The following COL7A1 variants were observed in gnomAD, a reference collection of about 807,000 sequenced individuals.
The protein encoded by COL7A1 is collagen alpha-1(VII) chain.
A neutral mutation model predicts 456.2 loss-of-function variants in COL7A1; 296 were observed. That is an observed-to-expected ratio of 0.65 (90% CI 0.59 to 0.71). The LOEUF is 0.71. Among genes scored for constraint, COL7A1 ranks in the 30% least tolerant of loss-of-function variants. The probability of loss-of-function intolerance (pLI) is 0.00; values close to 1 mark genes in which losing one functional copy is unlikely to be tolerated. For synonymous variants in COL7A1, 1,464 were observed against 1,525.9 expected (o/e 0.96, Z 0.95); for missense variants, 3,441 against 4,017.2 (o/e 0.86, Z 3.88).
At position 48,583,291 on chromosome 3, in the gene COL7A1, A is replaced by C; in HGVS notation, c.4437+102T>G. 6 of 1,606,380 alleles carry C rather than the reference A, an allele frequency of 3.7e-6. No individual in the cohort carries two copies. Among genetic ancestry groups the C allele is most frequent in the Non-Finnish European group, 5.1e-6 (6 of 1,174,392 alleles). ...ACCCCCTCCAAAACCACGACCTCTGACCTGGAGGGAACTCTTATCTCCTTA... is the reference window on the plus strand; with the variant it reads ...ACCCCCTCCAAAACCACGACCTCTGCCCTGGAGGGAACTCTTATCTCCTTA... On this transcript the variant is annotated intron_variant, in intron 42 of 118. Coordinates refer to ENST00000681320, the MANE Select transcript of COL7A1 (RefSeq NM_000094.4). This position sits in a 1 kb window ranked among gnomAD's most constrained non-coding sequence, Gnocchi z 5.1.
At position 48,580,892 on chromosome 3, in the gene COL7A1, C is replaced by T. The variant is rs772510551; in HGVS notation, c.4970G>A (p.Arg1657His). ...DPGLPGKAGERGLRGAPGVRG... is the reference protein window; with the variant it reads ...DPGLPGKAGEHGLRGAPGVRG... The stretch of plus-strand genomic sequence containing the variant: ...TCTGCCAAGACTCACCCGAAGGCCA[C>T]GCTCGCCTGCTTTTCCAGGCAAACC... The change falls in exon 54 of 119, where the codon CGT (arginine) becomes CAT (histidine). Residue 1657 changes from arginine to histidine, a missense_variant. Transcript: ENST00000681320. This position sits in a 1 kb window ranked among gnomAD's most constrained non-coding sequence, Gnocchi z 4.5. The T allele has an allele frequency of 3.4e-5, 55 of 1,613,980 alleles. No homozygotes were observed. Among genetic ancestry groups the T allele is most frequent in the East Asian group, 8.9e-5 (4 of 44,900 alleles).
rs2045729037 is a variant in COL7A1, at chr3:48,591,884, T to C, written c.1357+14A>G. On this transcript the variant is annotated intron_variant, in intron 11 of 118. Coordinates refer to ENST00000681320, the MANE Select transcript of COL7A1 (RefSeq NM_000094.4). The surrounding 1 kb of genome is among the most constrained non-coding windows in gnomAD (Gnocchi z 7.0). ...CCCTGACCCTTGCCTGTCCATCCCTTCCCCCGCACTGACCAGTCTCACGCC... is the reference window on the plus strand; with the variant it reads ...CCCTGACCCTTGCCTGTCCATCCCTCCCCCCGCACTGACCAGTCTCACGCC... The C allele has an allele frequency of 5.6e-6, 9 of 1,613,678 alleles. No homozygotes were observed. The highest frequency in any genetic ancestry group is 1.3e-5 in the African/African-American group (1 of 74,790).
chr3:48,588,951 C>T lies in COL7A1; in HGVS notation c.2359G>A (p.Ala787Thr). The change falls in exon 19 of 119, where the codon GCT becomes ACT. Residue 787 changes from alanine to threonine, a missense_variant. Physicochemically the swap from Ala to Thr is moderately conservative, Grantham distance 58 (BLOSUM62 0). Around this residue, in one of 3 missense-constraint regions of COL7A1, gnomAD observed 913 missense variants for 1,088.2 expected, o/e 0.84. Transcript: ENST00000681320. The surrounding 1 kb of genome is among the most constrained non-coding windows in gnomAD (Gnocchi z 4.6). ...GTGATCCGTAGAACGTCGCTGGAAG[C>T]ATTGAGGATCTGCAGCCTCGACACA... Reference protein sequence around the residue: ...GRVSRLQILNASSDVLRITWV... With the variant: ...GRVSRLQILNTSSDVLRITWV... The T allele has an allele frequency of 6.2e-7, 1 of 1,613,586 alleles. No individual in the cohort carries two copies. The highest frequency in any genetic ancestry group is 8.5e-7 in the Non-Finnish European group (1 of 1,180,028).
At position 48,575,759 on chromosome 3, in the gene COL7A1, G is replaced by A. The variant is rs201825506; in HGVS notation, c.5857-11C>T. ...CCGCAGGGCAGATGCCTGAGGGACAGCAAGAGGTCAGAGGAGCGGGGTGCG... is the reference window on the plus strand; with the variant it reads ...CCGCAGGGCAGATGCCTGAGGGACAACAAGAGGTCAGAGGAGCGGGGTGCG... On this transcript the variant is annotated splice_polypyrimidine_tract_variant and intron_variant, in intron 72 of 118. Transcript: ENST00000681320. This position sits in a 1 kb window ranked among gnomAD's most constrained non-coding sequence, Gnocchi z 6.3. 1.9e-5 allele frequency: 30 copies of A among 1,614,050 alleles called. No individual in the cohort carries two copies. In the African/African-American group the frequency reaches 2.7e-4, roughly 14 times the overall value.
In COL7A1 at chr3:48,586,333, A is replaced by G. The variant is rs2045257255; in HGVS notation, c.3549T>C (p.Ser1183=). 3 of 1,613,888 alleles carry G rather than the reference A, an allele frequency of 1.9e-6. No homozygotes were observed. Among genetic ancestry groups the G allele is most frequent in the Non-Finnish European group, 8.5e-7 (1 of 1,179,972 alleles). ...IFSPIREAQA[S]GLNVVMLGMA... is the part of the protein sequence containing the mutation. ...CTTCCCCATCAGCCTACTCCTTACC[A>G]GAAGCCTGGGCCTCACGGATGGGGC... is the stretch of plus-strand genomic sequence containing the variant. Residue 1183 remains serine (S), a splice_region_variant and synonymous_variant, in exon 27 of 119, where the codon TCT becomes TCC. Transcript: ENST00000681320. The surrounding 1 kb of genome is among the most constrained non-coding windows in gnomAD (Gnocchi z 5.1).
Position 48,593,707 on chromosome 3 carries a change from G to T in COL7A1, c.267-11C>A, listed in dbSNP as rs766797206. Reference sequence around the variant, plus strand: ...AGGCCGAACTCTGTCCTGTTGGAGGGTAGGGGTGGCAACAGGCTAGGACTC... The same window carrying T: ...AGGCCGAACTCTGTCCTGTTGGAGGTTAGGGGTGGCAACAGGCTAGGACTC... On this transcript the variant is annotated splice_polypyrimidine_tract_variant and intron_variant, in intron 3 of 118. Coordinates refer to ENST00000681320, the MANE Select transcript of COL7A1 (RefSeq NM_000094.4). This position sits in a 1 kb window ranked among gnomAD's most constrained non-coding sequence, Gnocchi z 4.4. The T allele has an allele frequency of 8.1e-6, 13 of 1,614,096 alleles. No individual in the cohort carries two copies. The highest frequency in any genetic ancestry group is 1.0e-5 in the Non-Finnish European group (12 of 1,180,028).
At position 48,577,026 on chromosome 3, in the gene COL7A1, C is replaced by T; in HGVS notation, c.5534G>A (p.Gly1845Glu). ...GTCTTCTCCAGGGTCCCCAGGTTCT[C>T]CCTGTGGGCAGAGGACTCACATCAG... ...DGKPGLNGKN[G>E]EPGDPGEDGR... Residue 1845 changes from glycine (G) to glutamate (E), a missense_variant and splice_region_variant, in exon 66 of 119, where the codon GGA becomes GAA. Gly to Glu is a moderately conservative substitution (Grantham distance 98, BLOSUM62 -2). This residue lies in a region of COL7A1 where 2,084 missense variants were observed against 2,501.3 expected (regional missense o/e 0.83). Transcript: ENST00000681320. 6.2e-7 allele frequency: 1 copy of T among 1,613,960 alleles called. No homozygotes were observed. The highest frequency in any genetic ancestry group is 8.5e-7 in the Non-Finnish European group (1 of 1,180,042).
Position 48,578,295 on chromosome 3 carries a change from GC to G in COL7A1, c.5532+25del. 6.2e-7 allele frequency: 1 copy of G among 1,612,076 alleles called. No individual in the cohort carries two copies. Among genetic ancestry groups the G allele is most frequent in the South Asian group, 1.1e-5 (1 of 90,994 alleles). ...GTGCTGGCGTTTCTTGGCAGGTTTC[GC>G]CGCAGCTGCCCTGGACACACTCACG... On this transcript the variant is annotated intron_variant, in intron 65 of 118. Transcript: ENST00000681320. The surrounding 1 kb of genome is among the most constrained non-coding windows in gnomAD (Gnocchi z 4.7).
Position 48,581,738 on chromosome 3 carries a change from G to A in COL7A1, c.4690C>T (p.Pro1564Ser). 1 of 1,614,004 alleles carries A rather than the reference G, an allele frequency of 6.2e-7. No homozygotes were observed. The highest frequency in any genetic ancestry group is 8.5e-7 in the Non-Finnish European group (1 of 1,179,994). The change falls in exon 49 of 119, where the codon CCC becomes TCC. Residue 1564 changes from proline (P) to serine (S), a missense_variant. Pro to Ser is a moderately conservative substitution (Grantham distance 74). Around this residue, in one of 3 missense-constraint regions of COL7A1, gnomAD observed 2,084 missense variants for 2,501.3 expected, o/e 0.83. Coordinates refer to ENST00000681320, the MANE Select transcript of COL7A1 (RefSeq NM_000094.4). This position sits in a 1 kb window ranked among gnomAD's most constrained non-coding sequence, Gnocchi z 5.8. Reference protein sequence around the residue: ...GEKGDVGPAGPRGATGVQGER... With the variant: ...GEKGDVGPAGSRGATGVQGER... The stretch of plus-strand genomic sequence containing the variant: ...CCTTGGACTCCGGTAGCTCCTCTGG[G>A]CCCAGCGGGCCCCACATCTCCCTGG...
At position 48,580,988 on chromosome 3, in the gene COL7A1, A is replaced by G; in HGVS notation, c.4936-62T>C. 1 of 1,608,784 alleles carries G rather than the reference A, an allele frequency of 6.2e-7. No homozygotes were observed. Among genetic ancestry groups the G allele is most frequent in the African/African-American group, 1.3e-5 (1 of 74,916 alleles). ...GTCAGGATCTAACTCACTCAGGGAG[A>G]GGGGACAGAGAAGGGTCTGAGCAGC... is the stretch of plus-strand genomic sequence containing the variant. On this transcript the variant is annotated intron_variant, in intron 53 of 118. Transcript: ENST00000681320. This position sits in a 1 kb window ranked among gnomAD's most constrained non-coding sequence, Gnocchi z 4.5.
Position 48,592,977 on chromosome 3 carries a change from G to A in COL7A1, c.683-39C>T, listed in dbSNP as rs1244064729. The A allele has an allele frequency of 3.6e-5, 58 of 1,612,824 alleles. No homozygotes were observed. Among genetic ancestry groups the A allele is most frequent in the East Asian group, 1.3e-4 (6 of 44,882 alleles). On this transcript the variant is annotated intron_variant, in intron 6 of 118. Coordinates refer to ENST00000681320, the MANE Select transcript of COL7A1 (RefSeq NM_000094.4). This position sits in a 1 kb window ranked among gnomAD's most constrained non-coding sequence, Gnocchi z 7.6. ...ATCAGGGGATCAGGCAGGAGGATTG[G>A]GGTGGGCATGTATGATGCAGAGTTG...
At chr3:48,584,197 T>A in intron 37 of COL7A1, 101 bp downstream of exon 37, 1 of 1,551,120 alleles carries the variant, frequency 6.4e-7, no homozygotes, top group South Asian at 1.1e-5. Flanking sequence ...AGGATGGGGG[T>A]AATCAAAGGG....
Position 48,590,727 on chromosome 3 carries a change from A to T in COL7A1, c.1726T>A (p.Ser576Thr). Reference protein sequence around the residue: ...QAGLSYTVRVSARVGPREGSA... With the variant: ...QAGLSYTVRVTARVGPREGSA... Reference sequence around the variant, plus strand: ...CCCTCACGGGGACCCACTCGAGCAGACACCCGCACAGTGTAGCTAAGCCCA... The same window carrying T: ...CCCTCACGGGGACCCACTCGAGCAGTCACCCGCACAGTGTAGCTAAGCCCA... Residue 576 changes from serine (S) to threonine (T), a missense_variant, in exon 14 of 119, where the codon TCT becomes ACT. By Grantham distance (58) the Ser-to-Thr change is moderately conservative. Transcript: ENST00000681320. This position sits in a 1 kb window ranked among gnomAD's most constrained non-coding sequence, Gnocchi z 4.6. The T allele has an allele frequency of 6.2e-7, 1 of 1,614,010 alleles. No individual in the cohort carries two copies. Among genetic ancestry groups the T allele is most frequent in the Non-Finnish European group, 8.5e-7 (1 of 1,180,032 alleles).
chr3:48,592,519 C>T lies in COL7A1; in HGVS notation c.976+51G>A. On this transcript the variant is annotated intron_variant, in intron 8 of 118. Coordinates refer to ENST00000681320, the MANE Select transcript of COL7A1 (RefSeq NM_000094.4). This position sits in a 1 kb window ranked among gnomAD's most constrained non-coding sequence, Gnocchi z 7.6. Reference sequence around the variant, plus strand: ...ATGGAGTCAGAAGTGGGAGGGGGTACTGGGGTCGGGGGTTAGGTGAATGGG... The same window carrying T: ...ATGGAGTCAGAAGTGGGAGGGGGTATTGGGGTCGGGGGTTAGGTGAATGGG... 1 of 1,613,264 alleles carries T rather than the reference C, an allele frequency of 6.2e-7. No homozygotes were observed.
In COL7A1 at chr3:48,582,447, C is replaced by T. The variant is rs757573659; in HGVS notation, c.4599+31G>A. The T allele has an allele frequency of 8.1e-6, 13 of 1,614,144 alleles. No homozygotes were observed. The South Asian group carries it at 1.4e-4, about 18-fold the overall frequency. ...GTCCCATCTGCCACATCCCTAGTAC[C>T]AGACAGTGCCACCCCCAGCCGAGGA... On this transcript the variant is annotated intron_variant, in intron 46 of 118. Transcript: ENST00000681320.
rs545436564 is a variant in COL7A1 at position 48,593,901 on chromosome 3, G to A, written c.267-205C>T. Among the ~76,000 whole-genome samples the A allele has an allele frequency of 1.8e-3, 276 of 152,306 alleles. 1 individual carries two copies. The highest frequency in any genetic ancestry group is 3.5e-3 in the Non-Finnish European group (241 of 68,010). ...TCCTTTGTGCACCATCTGCAGGTGG[G>A]CCTGGGCAGACCTGAAGGAGCCCTT... On this transcript the variant is annotated intron_variant, in intron 3 of 118. Coordinates refer to ENST00000681320, the MANE Select transcript of COL7A1 (RefSeq NM_000094.4). This position sits in a 1 kb window ranked among gnomAD's most constrained non-coding sequence, Gnocchi z 4.4.
At position 48,579,635 on chromosome 3, in the gene COL7A1, G is replaced by A. The variant is rs746053763; in HGVS notation, c.5188C>T (p.Arg1730Ter). ...EPGDRGQEGP[R>*]GPKGDPGLPG... ...AGGCCAGGATCACCCTTGGGCCCTC[G>A]AGGACCCTCTTGTCCGCGGTCCCCA... Residue 1730 changes from arginine (R) to a stop codon, truncating the protein, a stop_gained, in exon 59 of 119, where the codon CGA becomes TGA. Coordinates refer to ENST00000681320, the MANE Select transcript of COL7A1 (RefSeq NM_000094.4). LOFTEE classifies it high-confidence loss of function. The surrounding 1 kb of genome is among the most constrained non-coding windows in gnomAD (Gnocchi z 4.4). 11 of 1,613,398 alleles carry A rather than the reference G, an allele frequency of 6.8e-6. No homozygotes were observed. Among genetic ancestry groups the A allele is most frequent in the Non-Finnish European group, 9.3e-6 (11 of 1,179,944 alleles).
In COL7A1 at chr3:48,570,640, A is replaced by G; in HGVS notation, c.7343T>C (p.Val2448Ala). 2 of 1,603,944 alleles carry G rather than the reference A, an allele frequency of 1.2e-6. No homozygotes were observed. The highest frequency in any genetic ancestry group is 2.2e-5 in the South Asian group (2 of 89,872). The change falls in exon 96 of 119, where the codon GTG (valine) becomes GCG (alanine). Residue 2448 changes from valine to alanine, a missense_variant and splice_region_variant. By Grantham distance (64) the Val-to-Ala change is moderately conservative (BLOSUM62 0). Around this residue, in one of 3 missense-constraint regions of COL7A1, gnomAD observed 2,084 missense variants for 2,501.3 expected, o/e 0.83. Transcript: ENST00000681320. The surrounding 1 kb of genome is among the most constrained non-coding windows in gnomAD (Gnocchi z 5.5). ...PLGPPGPPGSVGPPGASGLKG... is the reference protein window; with the variant it reads ...PLGPPGPPGSAGPPGASGLKG... ...GGGCTTTAGGGCACCTCTACTCACCACTGACCCCGGTGGTCCAGGTGGCCC... is the reference window on the plus strand; with the variant it reads ...GGGCTTTAGGGCACCTCTACTCACCGCTGACCCCGGTGGTCCAGGTGGCCC...
rs749211733 is a variant in COL7A1, at chr3:48,585,718, A to C, written c.3803T>G (p.Val1268Gly). The change falls in exon 31 of 119, where the codon GTT becomes GGT. Residue 1268 changes from valine to glycine, a missense_variant. Physicochemically the swap from Val to Gly is moderately radical, Grantham distance 109 (BLOSUM62 -3). Around this residue, in one of 3 missense-constraint regions of COL7A1, gnomAD observed 2,084 missense variants for 2,501.3 expected, o/e 0.83. Transcript: ENST00000681320. This position sits in a 1 kb window ranked among gnomAD's most constrained non-coding sequence, Gnocchi z 4.5. ...EPGEMGLRGQ[V>G]GPPGDPGLPG... ...GAGGCCAGGGTCGCCAGGAGGCCCA[A>C]CTTGTCCTCTCAGGCCCTAGGAAGG... is the stretch of plus-strand genomic sequence containing the variant. 1 of 1,613,854 alleles carries C rather than the reference A, an allele frequency of 6.2e-7. No individual in the cohort carries two copies. Among genetic ancestry groups the C allele is most frequent in the Non-Finnish European group, 8.5e-7 (1 of 1,180,000 alleles).
Sources: allele counts gnomAD v4.1 joint callset (sites outside exome capture counted in the v4.1 genomes callset), GRCh38; gene constraint gnomAD v4.1.1; regional missense constraint gnomAD v4.1.1; non-coding constraint Gnocchi (gnomAD v3.1); transcripts MANE v1.5; gene names NCBI Gene and HGNC (gene_info 2026-07-23, HGNC 2026-07-21).